Variants in ENTREP1 observed in about 807,000 individuals in gnomAD.
The protein encoded by ENTREP1 is Friedreich ataxia region gene X123.
At chr9:69,385,339 G>A in the ENTREP1 span, among the ~76,000 whole-genome samples, 1 of 152,148 alleles carries the variant, frequency 6.6e-6, no homozygotes, top group African/African-American at 2.4e-5. Flanking sequence ...GTGGCCACTT[G>A]ACTCTCTCTA....
the ENTREP1 span, chr9:69,380,783 A>G: frequency 6.6e-6 from 1 of 152,396 alleles, no homozygotes; most frequent in Admixed American, 6.5e-5. Context: ...AGCCTATTAA[A>G]GAAAACCGAA....
the ENTREP1 span, among the ~76,000 whole-genome samples, chr9:69,340,695 ATG>A: frequency 0.12 from 6,596 of 54,220 alleles, 336 homozygotes; most frequent in African/African-American, 0.19. Context: ...GTGTGTGTGT[ATG>A]TGTGTGTGTA....
the ENTREP1 span, chr9:69,325,192 C>A: frequency 3.9e-6 from 4 of 1,030,028 alleles, no homozygotes; most frequent in African/African-American, 5.2e-5. Flanking sequence ...CTTCCCTCCC[C>A]CTCGGCCTCG....
At chr9:69,351,394 A>ATGATGATGAT in the ENTREP1 span, among the ~76,000 whole-genome samples, 1 of 151,470 alleles carries the variant, frequency 6.6e-6, no homozygotes, top group African/African-American at 2.4e-5. Flanking sequence ...TTCCTTGATG[A>ATGATGATGAT]TGATGATGAT....
At chr9:69,390,779 A>G in the ENTREP1 span, among the ~76,000 whole-genome samples, 2 of 152,078 alleles carry the variant, frequency 1.3e-5, no homozygotes, top group Non-Finnish European at 2.9e-5. Context: ...AGCTGGGACT[A>G]CAGGCACACA....
At chr9:69,383,557 G>T in the ENTREP1 span, 1 of 1,593,268 alleles carries the variant, frequency 6.3e-7, no homozygotes, top group African/African-American at 1.3e-5. Flanking sequence ...AGCAAAGCCA[G>T]TATCCGGGCA....
chr9:69,388,364 G>A, the ENTREP1 span: 20 of 1,614,036 alleles, frequency 1.2e-5, no homozygotes, highest in South Asian at 1.9e-4. Context: ...AGACATCCAT[G>A]AACTTGTAGA....
the ENTREP1 span, among the ~76,000 whole-genome samples, chr9:69,388,879 A>G: frequency 6.7e-6 from 1 of 148,354 alleles, no homozygotes. Flanking sequence ...GGCTGTTCAC[A>G]TTCCCATGAA....
the ENTREP1 span, chr9:69,325,686 A>C: frequency 8.1e-7 from 1 of 1,230,794 alleles, no homozygotes; most frequent in Non-Finnish European, 1.0e-6. Flanking sequence ...AGCTCCCCGC[A>C]GGTGAAGAAC....
chr9:69,381,463 G>A, the ENTREP1 span: 1 of 152,118 alleles, frequency 6.6e-6, no homozygotes, highest in African/African-American at 2.4e-5. Context: ...AATCTTGGTG[G>A]TGCATTAGAA....
chr9:69,324,576 CT>C, the ENTREP1 span: 1 of 985,216 alleles, frequency 1.0e-6, no homozygotes, highest in South Asian at 4.7e-5. Context: ...TAACCCAGTC[CT>C]TTCATTCCCG....
the ENTREP1 span, chr9:69,388,474 C>G: frequency 6.5e-7 from 1 of 1,540,068 alleles, no homozygotes; most frequent in Non-Finnish European, 8.8e-7. Context: ...TAATCTCAGG[C>G]ATGAATCAGA....
At chr9:69,378,706 C>T in the ENTREP1 span, among the ~76,000 whole-genome samples, 4 of 151,600 alleles carry the variant, frequency 2.6e-5, no homozygotes, top group Admixed American at 2.0e-4. Context: ...TTGCAGTGAG[C>T]TGAGATCGCA....
the ENTREP1 span, chr9:69,325,782 C>T: frequency 2.5e-6 from 3 of 1,213,314 alleles, no homozygotes; most frequent in Non-Finnish European, 3.1e-6. Flanking sequence ...GGGCTCTGGT[C>T]GTTCCTCTCC....
At chr9:69,365,629 G>T in the ENTREP1 span, among the ~76,000 whole-genome samples, 1 of 151,900 alleles carries the variant, frequency 6.6e-6, no homozygotes, top group East Asian at 1.9e-4. Flanking sequence ...CTATCTAATT[G>T]TGTTTGTATC....
the ENTREP1 span, chr9:69,325,121 GGCC>G: frequency 4.1e-6 from 4 of 985,266 alleles, no homozygotes; most frequent in Non-Finnish European, 3.6e-6. Context: ...AGGTGGGTGC[GGCC>G]GGCTGGAGCC....
chr9:69,370,620 T>C, the ENTREP1 span, among the ~76,000 whole-genome samples: 712 of 152,300 alleles, frequency 4.7e-3, 4 homozygotes, highest in East Asian at 0.015. Flanking sequence ...ATATTAAACA[T>C]TGACTCATAA....
At chr9:69,349,927 A>G in the ENTREP1 span, among the ~76,000 whole-genome samples, 1 of 152,244 alleles carries the variant, frequency 6.6e-6, no homozygotes, top group Admixed American at 6.5e-5. Flanking sequence ...TATTGAATGC[A>G]TATGGCTTTC....
chr9:69,367,744 C>CATATATAAATATATATACACAT, the ENTREP1 span, among the ~76,000 whole-genome samples: 1 of 98,694 alleles, frequency 1.0e-5, no homozygotes, highest in African/African-American at 4.0e-5. Context: ...TATATATACA[C>CATATATAAATATATATACACAT]ATATATAAAT....
Sources: allele counts gnomAD v4.1 joint callset (sites outside exome capture counted in the v4.1 genomes callset), GRCh38; gene constraint gnomAD v4.1.1; transcripts MANE v1.5; gene names NCBI Gene and HGNC (gene_info 2026-07-23, HGNC 2026-07-21).